The following MTUS2 variants were observed in gnomAD, a reference collection of about 807,000 sequenced individuals.
MTUS2 encodes the protein microtubule-associated tumor suppressor candidate 2.
MTUS2 carries 40 observed loss-of-function variants against 114.1 expected under a neutral mutation model. The observed-to-expected ratio is 0.35, with a 90% CI of 0.27 to 0.46. The LOEUF (loss-of-function observed/expected upper bound fraction) is 0.46. Among genes scored for constraint, MTUS2 ranks in the 20% least tolerant of loss-of-function variants. MTUS2 has a pLI of 1.00. For synonymous variants in MTUS2, 688 were observed against 672.0 expected, an observed-to-expected ratio of 1.02 and a Z score of -0.37; for missense variants, 1,679 against 1,705.4, an observed-to-expected ratio of 0.98 and a Z score of 0.27.
intron 2 of MTUS2, among the ~76,000 whole-genome samples, chr13:28,996,537 T>C (rs886101852): frequency 5.3e-5 from 8 of 152,136 alleles, no homozygotes; most frequent in African/African-American, 1.9e-4. Flanking sequence ...CTGGACTTTT[T>C]TTGGTTGGTA....
intron 5 of MTUS2, among the ~76,000 whole-genome samples, chr13:29,208,052 G>A (rs1421092505): frequency 6.6e-6 from 1 of 152,010 alleles, no homozygotes; most frequent in Admixed American, 6.6e-5. Flanking sequence ...AACTCATCTG[G>A]TCCTGAACTT....
chr13:29,385,752 A>C (rs9551664), intron 8 of MTUS2, among the ~76,000 whole-genome samples: 1 of 152,014 alleles, frequency 6.6e-6, no homozygotes, highest in Non-Finnish European at 1.5e-5. Context: ...CAGAATTCTC[A>C]TCATCTCTTC....
chr13:29,049,115 C>T (rs540097158), intron 4 of MTUS2, among the ~76,000 whole-genome samples: 1 of 152,272 alleles, frequency 6.6e-6, no homozygotes, highest in South Asian at 2.1e-4. Flanking sequence ...CAGAATGGTG[C>T]CATTTAGGCT....
intron 1 of MTUS2, among the ~76,000 whole-genome samples, chr13:28,825,154 C>T (rs1874180581): frequency 6.6e-6 from 1 of 152,122 alleles, no homozygotes; most frequent in Admixed American, 6.5e-5. Flanking sequence ...TTCTTGGGGC[C>T]TTAGTGGTAT....
At chr13:29,157,721 C>T (rs557951542) in intron 5 of MTUS2, among the ~76,000 whole-genome samples, 10 of 152,150 alleles carry the variant, frequency 6.6e-5, no homozygotes, top group East Asian at 3.9e-4. Context: ...CCAAAGCTAG[C>T]GCCAAGAATC....
At chr13:29,094,320 G>T (rs1285332793) in intron 4 of MTUS2, among the ~76,000 whole-genome samples, 3 of 143,288 alleles carry the variant, frequency 2.1e-5, no homozygotes, top group African/African-American at 7.7e-5. Flanking sequence ...AATGACATCT[G>T]TGCCTGGATT....
intron 5 of MTUS2, among the ~76,000 whole-genome samples, chr13:29,201,239 C>G (rs998616528): frequency 1.3e-5 from 2 of 152,014 alleles, no homozygotes; most frequent in African/African-American, 2.4e-5. Context: ...CTTCTTGTTG[C>G]ATTGATCCCT....
chr13:29,265,596 C>T (rs781399489), intron 5 of MTUS2, among the ~76,000 whole-genome samples: 15 of 152,138 alleles, frequency 9.9e-5, no homozygotes, highest in Non-Finnish European at 1.8e-4. Context: ...TGAATTGGCT[C>T]ATGGTTCTGC....
rs768978464 is a variant in MTUS2 at position 29,282,641 on chromosome 13, G to T, written c.2806+776G>T. 8.2e-4 allele frequency among the ~76,000 whole-genome samples: 125 copies of T among 152,264 alleles called. No homozygotes were observed. In the Middle Eastern group the frequency reaches 0.014, roughly 17 times the overall value. On this transcript the variant is annotated intron_variant, in intron 6 of 15. Coordinates refer to ENST00000612955, the MANE Select transcript of MTUS2 (RefSeq NM_001033602.4). ...ACATTATAGAAGGCAAATTTATCAG[G>T]ATGGTAGAATGAATGTTGAGCCCTA...
intron 5 of MTUS2, among the ~76,000 whole-genome samples, chr13:29,158,795 A>G (rs1017573686): frequency 6.6e-6 from 1 of 152,094 alleles, no homozygotes; most frequent in Non-Finnish European, 1.5e-5. Context: ...GAATTATTTT[A>G]AGATGCTCAG....
chr13:29,438,312 T>A (rs1417480600), intron 8 of MTUS2, among the ~76,000 whole-genome samples: 3 of 151,654 alleles, frequency 2.0e-5, no homozygotes, highest in Non-Finnish European at 2.9e-5. Flanking sequence ...ACTTCAGAAA[T>A]GAGATGGGAG....
At chr13:29,218,390 A>G (rs926118309) in intron 5 of MTUS2, among the ~76,000 whole-genome samples, 19 of 152,212 alleles carry the variant, frequency 1.2e-4, no homozygotes, top group African/African-American at 3.9e-4. Context: ...AAAGTCCTCT[A>G]TGTGGGTTGG....
intron 8 of MTUS2, among the ~76,000 whole-genome samples, chr13:29,386,642 C>G (rs1037624797): frequency 1.3e-5 from 2 of 152,184 alleles, no homozygotes; most frequent in African/African-American, 4.8e-5. Flanking sequence ...TTGTCACTTT[C>G]TATTTGTCAA....
At chr13:28,931,476 G>GCT (rs1269441957) in intron 2 of MTUS2, among the ~76,000 whole-genome samples, 1 of 151,860 alleles carries the variant, frequency 6.6e-6, no homozygotes, top group African/African-American at 2.4e-5. Context: ...TCCTTTGCTT[G>GCT]CTCTCTCTCT....
chr13:28,939,797 GACATACCCAA>G (rs1280194891), intron 2 of MTUS2, among the ~76,000 whole-genome samples: 14 of 152,140 alleles, frequency 9.2e-5, no homozygotes, highest in African/African-American at 3.4e-4. Context: ...TGCTAACAAA[GACATACCCAA>G]CGCTGGGTAA....
intron 15 of MTUS2, among the ~76,000 whole-genome samples, chr13:29,501,700 T>G (rs1882913651): frequency 6.6e-6 from 1 of 152,210 alleles, no homozygotes; most frequent in African/African-American, 2.4e-5. Context: ...TGCTCTCCCA[T>G]GAGGGCTGAG....
intron 9 of MTUS2, among the ~76,000 whole-genome samples, chr13:29,474,880 T>A (rs551574216): frequency 6.6e-6 from 1 of 152,230 alleles, no homozygotes; most frequent in Non-Finnish European, 1.5e-5. Context: ...TTATATGTGT[T>A]CTGTCTGTTT....
rs1566163109 is a variant in MTUS2 at position 29,375,544 on chromosome 13, T to A, written c.3117+16071T>A. ...ATATATATATATATATATACGTGTATATATATATATATACGTATATATATA... is the reference window on the plus strand; with the variant it reads ...ATATATATATATATATATACGTGTAAATATATATATATACGTATATATATA... On this transcript the variant is annotated intron_variant, in intron 8 of 15. Coordinates refer to ENST00000612955, the MANE Select transcript of MTUS2 (RefSeq NM_001033602.4). Among the ~76,000 whole-genome samples the A allele has an allele frequency of 1.1e-3, 6 of 5,254 alleles. 1 individual carries two copies. The highest frequency in any genetic ancestry group is 0.01 in the Admixed American group (3 of 290). The allele number at this position is 5,254 out of a possible 152,430, so 3.4% of individuals were successfully genotyped here.
At chr13:29,313,441 G>C (rs1007427731) in intron 6 of MTUS2, among the ~76,000 whole-genome samples, 1 of 152,218 alleles carries the variant, frequency 6.6e-6, no homozygotes, top group African/African-American at 2.4e-5. Flanking sequence ...TTAGGTGACA[G>C]TGAGTTCAAT....
Sources: allele counts gnomAD v4.1 joint callset (sites outside exome capture counted in the v4.1 genomes callset), GRCh38; gene constraint gnomAD v4.1.1; transcripts MANE v1.5; gene names NCBI Gene and HGNC (gene_info 2026-07-23, HGNC 2026-07-21).